The following CENPI variants were observed in gnomAD, a reference collection of about 807,000 sequenced individuals.
CENPI encodes the protein FSH primary response 1.
Under a neutral mutation model 60.4 loss-of-function variants are expected in CENPI, and 4 were observed. The ratio of observed to expected loss-of-function variants is 0.07; its 90% CI spans 0.03 to 0.15. CENPI has a LOEUF of 0.15. CENPI is among the 10% of genes least tolerant of loss of function. The probability of loss-of-function intolerance (pLI) is 1.00; values close to 1 mark genes in which losing one functional copy is unlikely to be tolerated. For missense variants in CENPI, 444 were observed against 534.5 expected, an observed-to-expected ratio of 0.83 and a Z score of 1.67; for synonymous variants, 157 against 189.4, an observed-to-expected ratio of 0.83 and a Z score of 1.40.
chrX:101,105,212 C>T (rs2089468675), intron 4 of CENPI, among the ~76,000 whole-genome samples: 1 of 111,707 alleles, frequency 9.0e-6, no homozygotes, highest in Non-Finnish European at 1.9e-5. Context: ...TCTCCCACTC[C>T]CATCTCACCT....
At chrX:101,146,715 G>A in intron 18 of CENPI, among the ~76,000 whole-genome samples, 1 of 111,486 alleles carries the variant, frequency 9.0e-6, no homozygotes, top group East Asian at 2.8e-4. Flanking sequence ...CTTGTGGACT[G>A]AAATTACTTT....
chrX:101,161,574 A>G lies in CENPI; in HGVS notation c.2136+5A>G, dbSNP rs868771862. ...GTAAATGTGAGCTCTATTCGGGTAA[A>G]TAAATTTACTTTCATCGTGTTGAGG... On this transcript the variant is annotated splice_donor_5th_base_variant and intron_variant, in intron 21 of 21. Transcript: ENST00000682095. 8.4e-7 allele frequency: 1 copy of G among 1,191,824 alleles called. No homozygotes were observed. The highest frequency in any genetic ancestry group is 3.0e-5 in the East Asian group (1 of 33,754).
At chrX:101,170,195 G>A (rs1196806699), downstream of CENPI, among the ~76,000 whole-genome samples, 1 of 111,639 alleles carries the variant, frequency 9.0e-6, no homozygotes, top group Non-Finnish European at 1.9e-5. Context: ...TACCTATTGT[G>A]TTTTACCTGT....
intron 20 of CENPI, among the ~76,000 whole-genome samples, 178 bp from the exon 21 acceptor site, chrX:101,161,350 C>T (rs950111187): frequency 8.9e-6 from 1 of 112,214 alleles, no homozygotes; most frequent in African/African-American, 3.2e-5. Context: ...TTTCTTAAAG[C>T]TGATGGATAT....
chrX:101,156,751 T>G (rs2090056077), intron 20 of CENPI, among the ~76,000 whole-genome samples: 1 of 21,197 alleles, frequency 4.7e-5, no homozygotes, highest in African/African-American at 4.3e-4. Flanking sequence ...ATATACGATG[T>G]TTTTTTTTTC....
chrX:101,173,314 CTTT>C, the CENPI span, among the ~76,000 whole-genome samples: 1 of 50,505 alleles, frequency 2.0e-5, no homozygotes, highest in Non-Finnish European at 3.3e-5. Context: ...TGCCTGGCCT[CTTT>C]TTTTTTTTTT....
intron 20 of CENPI, among the ~76,000 whole-genome samples, chrX:101,149,730 C>G (rs1430107086): frequency 9.0e-6 from 1 of 110,676 alleles, no homozygotes; most frequent in Non-Finnish European, 1.9e-5. Context: ...TGGTCTTGAA[C>G]TCCTGACCTC....
At chrX:101,120,499 G>A (rs1166388107) in intron 7 of CENPI, 49 bp downstream of exon 7, 1 of 676,418 alleles carries the variant, frequency 1.5e-6, no homozygotes, top group Non-Finnish European at 2.3e-6. Flanking sequence ...ATTAGCATTT[G>A]TATTGGCCTT....
chrX:101,127,020 C>A, intron 9 of CENPI, 118 bp from the exon 10 acceptor site: 1 of 643,441 alleles, frequency 1.6e-6, no homozygotes, highest in Non-Finnish European at 2.3e-6. Flanking sequence ...ACTTTAAGTG[C>A]ATTTGTATGG....
intron 11 of CENPI, 59 bp downstream of exon 11, chrX:101,127,724 T>A (rs2089751212): frequency 7.3e-6 from 7 of 964,250 alleles, no homozygotes; most frequent in Non-Finnish European, 8.4e-6. Flanking sequence ...TGGCCTTTGT[T>A]TTTTTGTTTG....
chrX:101,178,633 ACTC>A, the CENPI span, among the ~76,000 whole-genome samples: 2 of 109,205 alleles, frequency 1.8e-5, no homozygotes, highest in Non-Finnish European at 3.8e-5. Flanking sequence ...CTGGTCCCGA[ACTC>A]CTGACCTCAG....
rs763074748 is a variant in CENPI at position 101,148,433 on chromosome X, T to C, written c.2094+272T>C. ...TGTGGCAAAATGAGAAAAGGTTCAG[T>C]TGTAAGAAAGATGGGGGAGTGATTA... On this transcript the variant is annotated intron_variant, in intron 20 of 21. Coordinates refer to ENST00000682095, the MANE Select transcript of CENPI (RefSeq NM_001386188.2). Among the ~76,000 whole-genome samples, 15 of 111,488 alleles carry C rather than the reference T, an allele frequency of 1.3e-4. No homozygotes were observed. In the South Asian group the frequency reaches 5.6e-3, roughly 42 times the overall value.
chrX:101,133,250 T>C (rs111767284), intron 15 of CENPI, among the ~76,000 whole-genome samples: 334 of 109,564 alleles, frequency 3.0e-3, no homozygotes, highest in African/African-American at 0.01. Flanking sequence ...TCCTGACCAA[T>C]ATCATCATTC....
intron 6 of CENPI, among the ~76,000 whole-genome samples, chrX:101,114,641 CT>C (rs760731504): frequency 0.016 from 1,745 of 111,086 alleles, 47 homozygotes; most frequent in African/African-American, 0.054. Context: ...TGTATTAGTA[CT>C]TTTTTTTTCC....
chrX:101,154,440 G>A (rs1447331306), intron 20 of CENPI, among the ~76,000 whole-genome samples: 4 of 110,702 alleles, frequency 3.6e-5, no homozygotes. Flanking sequence ...CAGGCGTGGT[G>A]GCATGCACCT....
the CENPI span, among the ~76,000 whole-genome samples, chrX:101,180,273 A>G: frequency 1.8e-5 from 2 of 110,686 alleles, no homozygotes; most frequent in African/African-American, 6.6e-5. Flanking sequence ...AGTAGCTGGG[A>G]CCACAGGTGT....
At chrX:101,158,828 G>A (rs1031370716) in intron 20 of CENPI, among the ~76,000 whole-genome samples, 9 of 109,730 alleles carry the variant, frequency 8.2e-5, no homozygotes, top group African/African-American at 2.7e-4. Context: ...ACGGGGTTTC[G>A]CCATGTTGGT....
chrX:101,112,633 A>G (rs1187030213), intron 6 of CENPI, among the ~76,000 whole-genome samples: 1 of 112,231 alleles, frequency 8.9e-6, no homozygotes, highest in Non-Finnish European at 1.9e-5. Flanking sequence ...CATGCAATTC[A>G]ATCAAAACAT....
chrX:101,126,892 C>G, intron 9 of CENPI, 94 bp downstream of exon 9: 2 of 862,444 alleles, frequency 2.3e-6, no homozygotes, highest in Non-Finnish European at 1.7e-6. Context: ...TGTTTACAGC[C>G]TACTGTTTTA....
Sources: gnomAD v4.1 joint callset for allele counts (sites outside exome capture counted in the v4.1 genomes callset) on GRCh38, gnomAD v4.1.1 for gene constraint, MANE v1.5 for transcripts, NCBI Gene and HGNC (gene_info 2026-07-23, HGNC 2026-07-21) for gene names.